Variants in RYR1 observed in about 807,000 individuals in gnomAD.
RYR1 encodes central core disease of muscle.
A neutral mutation model predicts 583.5 loss-of-function variants in RYR1; 342 were observed. The observed-to-expected ratio is 0.59, with a 90% CI of 0.54 to 0.64. The LOEUF is 0.64. Ranked by LOEUF, RYR1 falls within the 30% of genes least tolerant of loss-of-function variation. RYR1 has a pLI of 0.00. For synonymous variants in RYR1, 2,791 were observed against 2,822.5 expected, an observed-to-expected ratio of 0.99 and a Z score of 0.35; for missense variants, 6,032 against 6,917.2, an observed-to-expected ratio of 0.87 and a Z score of 4.54.
At chr19:38,586,383 G>C (rs989876225) in intron 104 of RYR1, 142 bp from the exon 105 acceptor site, 1 of 1,087,280 alleles carries the variant, frequency 9.2e-7, no homozygotes, top group African/African-American at 1.5e-5. Context: ...CACTTTGGGA[G>C]GCCAAGTGGG....
intron 88 of RYR1, among the ~76,000 whole-genome samples, chr19:38,547,886 T>C (rs771991942): frequency 3.2e-4 from 49 of 152,090 alleles, no homozygotes; most frequent in Non-Finnish European, 5.3e-4. Flanking sequence ...GCTGATTTTG[T>C]ATTTTTAATA....
chr19:38,557,001 C>T (rs1048761461), intron 89 of RYR1, among the ~76,000 whole-genome samples: 2 of 151,418 alleles, frequency 1.3e-5, no homozygotes, highest in Non-Finnish European at 2.9e-5. Context: ...CTGCTCAACA[C>T]TCAGACATAT....
chr19:38,461,640 C>T (rs1028453647), intron 20 of RYR1, among the ~76,000 whole-genome samples: 2 of 146,506 alleles, frequency 1.4e-5, no homozygotes, highest in Non-Finnish European at 3.0e-5. Context: ...ATGGGAGGGT[C>T]ACTTGAGCCC....
In RYR1 at chr19:38,566,909, A is replaced by G. The variant is rs1973465054; in HGVS notation, c.13438-2A>G. ...CAGCCCTGATGCTTGCCCTGTCCCTAGGTGGATGGAGTGGAGGAGGAGCTC... is the reference window on the plus strand; with the variant it reads ...CAGCCCTGATGCTTGCCCTGTCCCTGGGTGGATGGAGTGGAGGAGGAGCTC... On this transcript the variant is annotated splice_acceptor_variant, in intron 91 of 105. Coordinates refer to ENST00000359596, the MANE Select transcript of RYR1 (RefSeq NM_000540.3). LOFTEE classifies it high-confidence loss of function. The G allele has an allele frequency of 6.2e-7, 1 of 1,603,902 alleles. No individual in the cohort carries two copies. Among genetic ancestry groups the G allele is most frequent in the Non-Finnish European group, 8.5e-7 (1 of 1,175,606 alleles).
At position 38,467,132 on chromosome 19, in the gene RYR1, C is replaced by T. The variant is rs183434199; in HGVS notation, c.3179-478C>T. ...CCCCTACCCCTAACCTGACTCCTGA[C>T]CTATCACTGGCTTCCAATCCCAGCC... is the stretch of plus-strand genomic sequence containing the variant. On this transcript the variant is annotated intron_variant, in intron 24 of 105. Coordinates refer to ENST00000359596, the MANE Select transcript of RYR1 (RefSeq NM_000540.3). Among the ~76,000 whole-genome samples the T allele has an allele frequency of 1.4e-4, 21 of 152,260 alleles. No individual in the cohort carries two copies. The East Asian group carries it at 4.0e-3, about 29-fold the overall frequency.
Position 38,570,600 on chromosome 19 carries a change from C to T in RYR1, c.13660-7C>T. The stretch of plus-strand genomic sequence containing the variant: ...AGCGCTTTCTCTCTTTTTCTCTTCT[C>T]TCTCAGAACTACCTGTCCCGGAACT... On this transcript the variant is annotated splice_polypyrimidine_tract_variant and splice_region_variant and intron_variant, in intron 93 of 105. Transcript: ENST00000359596. 6.2e-7 allele frequency: 1 copy of T among 1,611,902 alleles called. No individual in the cohort carries two copies. Among genetic ancestry groups the T allele is most frequent in the Non-Finnish European group, 8.5e-7 (1 of 1,177,950 alleles).
intron 38 of RYR1, among the ~76,000 whole-genome samples, chr19:38,494,023 G>T (rs1011075306): frequency 6.6e-5 from 10 of 152,136 alleles, no homozygotes; most frequent in Admixed American, 5.9e-4. Flanking sequence ...AGTTTGCCAG[G>T]CTGGGCACAG....
intron 76 of RYR1, among the ~76,000 whole-genome samples, chr19:38,529,657 A>G (rs1315284137): frequency 6.6e-6 from 1 of 152,208 alleles, no homozygotes; most frequent in Non-Finnish European, 1.5e-5. Context: ...TCAGTATATT[A>G]TGAAAAAAAT....
Position 38,463,489 on chromosome 19 carries a change from G to T in RYR1, c.2644G>T (p.Ala882Ser). The change falls in exon 21 of 106, where the codon GCG (alanine) becomes TCG (serine). Residue 882 changes from alanine (A) to serine (S), a missense_variant. By Grantham distance (99) the Ala-to-Ser change is moderately conservative. Transcript: ENST00000359596. ...KLAENIHELWALTRIEQGWTY... is the reference protein window; with the variant it reads ...KLAENIHELWSLTRIEQGWTY... Reference sequence around the variant, plus strand: ...GGCGGAGAACATCCACGAGCTCTGGGCGCTAACCCGCATCGAGCAGGGCTG... The same window carrying T: ...GGCGGAGAACATCCACGAGCTCTGGTCGCTAACCCGCATCGAGCAGGGCTG... The T allele has an allele frequency of 1.2e-6, 2 of 1,613,422 alleles. No individual in the cohort carries two copies. The highest frequency in any genetic ancestry group is 1.7e-6 in the Non-Finnish European group (2 of 1,180,004).
intron 18 of RYR1, among the ~76,000 whole-genome samples, chr19:38,458,610 T>TTTTG (rs201257740): frequency 2.7e-5 from 4 of 148,758 alleles, no homozygotes; most frequent in African/African-American, 9.8e-5. Flanking sequence ...TATTTATTTA[T>TTTTG]TTTGTTTGTT....
At chr19:38,521,111 C>CA (rs1397985051) in intron 67 of RYR1, among the ~76,000 whole-genome samples, 2 of 151,180 alleles carry the variant, frequency 1.3e-5, no homozygotes, top group Non-Finnish European at 3.0e-5. Context: ...CCTGTCTCTA[C>CA]AAAAAAAGAA....
rs935005781 is a variant in RYR1 at position 38,561,887 on chromosome 19, T to A, written c.12624+433T>A. 2.0e-5 allele frequency among the ~76,000 whole-genome samples: 3 copies of A among 152,104 alleles called. No homozygotes were observed. Among genetic ancestry groups the A allele is most frequent in the African/African-American group, 7.2e-5 (3 of 41,422 alleles). On this transcript the variant is annotated intron_variant, in intron 90 of 105. Coordinates refer to ENST00000359596, the MANE Select transcript of RYR1 (RefSeq NM_000540.3). This position sits in a 1 kb window ranked among gnomAD's most constrained non-coding sequence, Gnocchi z 4.8. ...TAGCCCCCGGCGTGCCGTCTCTTGG[T>A]CCTGGCCCGCTCATGCTCACTCTTG...
rs1231855081 is a variant in RYR1 at position 38,483,951 on chromosome 19, G to T, written c.4934+435G>T. Among the ~76,000 whole-genome samples, 1 of 151,910 alleles carries T rather than the reference G, an allele frequency of 6.6e-6. No homozygotes were observed. Among genetic ancestry groups the T allele is most frequent in the East Asian group, 1.9e-4 (1 of 5,186 alleles). On this transcript the variant is annotated intron_variant, in intron 33 of 105. Transcript: ENST00000359596. This position sits in a 1 kb window ranked among gnomAD's most constrained non-coding sequence, Gnocchi z 6.3. ...GGGAGGCTTTAAGAAGAATCCCGTG[G>T]ATATTTCAAACCCACCCCAGGGGAC... is the stretch of plus-strand genomic sequence containing the variant.
Position 38,445,222 on chromosome 19 carries a change from C to CAAAA in RYR1, c.631+569_631+572dup, listed in dbSNP as rs61419525. Among the ~76,000 whole-genome samples the CAAAA allele has an allele frequency of 3.9e-4, 19 of 48,180 alleles. 2 individuals are homozygous for CAAAA. The highest frequency in any genetic ancestry group is 1.8e-3 in the African/African-American group (19 of 10,770). The allele number at this position is 48,180 out of a possible 152,430, so 31.6% of individuals were successfully genotyped here. ...TGGGTGACAGAGCCAGACTCTGCCT[C>CAAAA]AAAAAAAAAAAAAAAAAAAAAAAAA... is the stretch of plus-strand genomic sequence containing the variant. On this transcript the variant is annotated intron_variant, in intron 7 of 105. Transcript: ENST00000359596.
At position 38,455,237 on chromosome 19, in the gene RYR1, G is replaced by T. The variant is rs752598324; in HGVS notation, c.1443G>T (p.Gly481=). Reference sequence around the variant, plus strand: ...GCCTCTTATTTTCCTCATCCTAGGGGATGCTCTCCATGGTCCTGAATTGCA... The same window carrying T: ...GCCTCTTATTTTCCTCATCCTAGGGTATGCTCTCCATGGTCCTGAATTGCA... ...RNRQSLFQEE[G]MLSMVLNCID... is the part of the protein sequence containing the mutation. The change falls in exon 14 of 106, where the codon GGG becomes GGT. Residue 481 remains glycine (G), a splice_region_variant and synonymous_variant. Coordinates refer to ENST00000359596, the MANE Select transcript of RYR1 (RefSeq NM_000540.3). The T allele has an allele frequency of 4.0e-5, 64 of 1,614,088 alleles. No homozygotes were observed. Among genetic ancestry groups the T allele is most frequent in the Non-Finnish European group, 5.2e-5 (61 of 1,179,966 alleles).
intron 13 of RYR1, 115 bp from the exon 14 acceptor site, chr19:38,455,120 C>A: frequency 1.6e-6 from 2 of 1,268,034 alleles, no homozygotes; most frequent in African/African-American, 1.5e-5. Context: ...TGATTTAGAT[C>A]TGGGAACACA....
intron 16 of RYR1, among the ~76,000 whole-genome samples, chr19:38,455,976 T>G (rs1265709865): frequency 1.4e-5 from 2 of 146,782 alleles, no homozygotes; most frequent in Admixed American, 1.4e-4. Flanking sequence ...TGTTTTTTTT[T>G]TTTTTTTTTT....
chr19:38,458,973 C>T (rs914569800), intron 18 of RYR1, among the ~76,000 whole-genome samples, 173 bp from the exon 19 acceptor site: 1 of 152,202 alleles, frequency 6.6e-6, no homozygotes, highest in African/African-American at 2.4e-5. Flanking sequence ...TTCAGGGGAA[C>T]CCTGACCTCT....
Position 38,467,687 on chromosome 19 carries a change from C to T in RYR1, c.3256C>T (p.Arg1086Cys), listed in dbSNP as rs373618219. 8.1e-6 allele frequency: 13 copies of T among 1,614,090 alleles called. No individual in the cohort carries two copies. Among genetic ancestry groups the T allele is most frequent in the East Asian group, 2.2e-5 (1 of 44,902 alleles). ...AEKSYTVQSG[R>C]WYFEFEAVTT... ...GAAATCCTATACAGTGCAGAGCGGC[C>T]GCTGGTACTTCGAGTTTGAAGCAGT... The change falls in exon 25 of 106, where the codon CGC (arginine) becomes TGC (cysteine). Residue 1086 changes from arginine (R) to cysteine (C), a missense_variant. Arg to Cys is a radical substitution (Grantham distance 180, BLOSUM62 -3). Around this residue, in one of 11 missense-constraint regions of RYR1, gnomAD observed 2,627 missense variants for 2,961.3 expected, o/e 0.89. Transcript: ENST00000359596.
Sources: gnomAD v4.1 joint callset for allele counts (sites outside exome capture counted in the v4.1 genomes callset) on GRCh38, gnomAD v4.1.1 for gene constraint, gnomAD v4.1.1 regional missense constraint, Gnocchi (gnomAD v3.1) non-coding constraint, MANE v1.5 for transcripts, NCBI Gene and HGNC (gene_info 2026-07-23, HGNC 2026-07-21) for gene names.